The following EIF5B variants were observed in gnomAD, a reference collection of about 807,000 sequenced individuals.
EIF5B encodes eIF-5B.
EIF5B carries 47 observed loss-of-function variants against 147.5 expected under a neutral mutation model. The observed-to-expected ratio is 0.32, with a 90% CI of 0.25 to 0.41. The LOEUF is 0.41. Among genes scored for constraint, EIF5B ranks in the 10% least tolerant of loss-of-function variants. The pLI, the probability that EIF5B is intolerant of heterozygous loss-of-function variation, is 1.00. For synonymous variants in EIF5B, 455 were observed against 456.2 expected, an observed-to-expected ratio of 1.00 and a Z score of 0.03; for missense variants, 1,064 against 1,413.2, an observed-to-expected ratio of 0.75 and a Z score of 3.96.
intron 10 of EIF5B, 121 bp downstream of exon 10, chr2:99,376,757 C>A: frequency 7.2e-7 from 1 of 1,391,548 alleles, no homozygotes; most frequent in East Asian, 2.5e-5. Context: ...GAACACCGTT[C>A]AGTTTTTGTA....
Position 99,337,583 on chromosome 2 carries a change from A to G in EIF5B, c.29A>G (p.Glu10Gly). 6.2e-7 allele frequency: 1 copy of G among 1,612,980 alleles called. No individual in the cohort carries two copies. The highest frequency in any genetic ancestry group is 8.5e-7 in the Non-Finnish European group (1 of 1,179,580). MGKKQKNKS[E>G]DSTKDDIDLD... ...GGGAAGAAACAGAAAAACAAGAGCG[A>G]AGACAGGTAGATAGGGGTTGGGTCC... The change falls in exon 1 of 24, where the codon GAA (glutamate) becomes GGA (glycine). Residue 10 changes from glutamate (E) to glycine (G), a missense_variant. Around this residue, in one of 4 missense-constraint regions of EIF5B, gnomAD observed 458 missense variants for 451.3 expected, o/e 1.01. Transcript: ENST00000289371.
rs1194560486 is a variant in EIF5B at position 99,390,757 on chromosome 2, A to G, written c.2748+52A>G. On this transcript the variant is annotated intron_variant, in intron 17 of 23. Coordinates refer to ENST00000289371, the MANE Select transcript of EIF5B (RefSeq NM_015904.4). ...CGTGGGGACTTGTACAGTGTTTAGA[A>G]GTTCTGCTGAGATGGTTTCCTCACT... is the stretch of plus-strand genomic sequence containing the variant. The G allele has an allele frequency of 3.3e-6, 5 of 1,524,508 alleles. No homozygotes were observed. In the African/African-American group the frequency reaches 4.1e-5, roughly 13 times the overall value. 94.4% of individuals were successfully genotyped at this position (1,524,508 alleles called of 1,614,324 possible).
rs572675317 is a variant in EIF5B, at chr2:99,390,119, A to G, written c.2404-100A>G. 4.6e-4 allele frequency: 636 copies of G among 1,384,788 alleles called. 3 individuals carry two copies. In the African/African-American group the frequency reaches 7.9e-3, roughly 17 times the overall value. 85.8% of individuals were successfully genotyped at this position (1,384,788 alleles called of 1,614,324 possible). A position where few individuals can be genotyped will look rare whatever the true frequency, so the allele number is the denominator to read the frequency against. On this transcript the variant is annotated intron_variant, in intron 15 of 23. Transcript: ENST00000289371. ...ATTTTTAGTGTTTATGAGGAGTTTC[A>G]AAATGATGAGCCATTTGCTCATCCG...
intron 6 of EIF5B, among the ~76,000 whole-genome samples, chr2:99,367,764 C>T (rs1351543881): frequency 6.6e-6 from 1 of 152,132 alleles, no homozygotes; most frequent in East Asian, 1.9e-4. Flanking sequence ...CAAAACTCTT[C>T]TGCATTAGTG....
chr2:99,396,650 G>A (rs1675055136), intron 21 of EIF5B, 110 bp from the exon 22 acceptor site: 9 of 1,380,734 alleles, frequency 6.5e-6, no homozygotes, highest in Non-Finnish European at 7.8e-6. Flanking sequence ...TGTGGCCGCT[G>A]GGGAAAGCTG....
chr2:99,364,526 A>T, intron 6 of EIF5B, 105 bp downstream of exon 6: 1 of 1,136,356 alleles, frequency 8.8e-7, no homozygotes, highest in Non-Finnish European at 1.2e-6. Context: ...GACAGTTCCT[A>T]TGAAAAATCT....
At position 99,401,213 on chromosome 2, in the gene EIF5B, CAG is replaced by C. The variant is rs757176462; in HGVS notation, c.*1804_*1805del. On this transcript the variant is annotated 3_prime_UTR_variant, in exon 24 of 24. Transcript: ENST00000289371. ...TCACAAGCACTTATGGCACAGCTATCAGAGAGCATCAGGCTCTCTGGTAATAT... is the reference window on the plus strand; with the variant it reads ...TCACAAGCACTTATGGCACAGCTATCAGAGCATCAGGCTCTCTGGTAATAT... The C allele has an allele frequency of 2.2e-6, 3 of 1,381,990 alleles. No individual in the cohort carries two copies. Among genetic ancestry groups the C allele is most frequent in the Middle Eastern group, 1.8e-4 (1 of 5,656 alleles). 85.6% of individuals were successfully genotyped at this position (1,381,990 alleles called of 1,614,324 possible).
Position 99,376,338 on chromosome 2 carries a change from C to A in EIF5B, c.1553-9C>A. On this transcript the variant is annotated splice_polypyrimidine_tract_variant and intron_variant, in intron 9 of 23. Transcript: ENST00000289371. ...GTTTATTTATTTAAAAATATATTTGCTTTCGTAGTAGAAGGAAACAAAGTT... is the reference window on the plus strand; with the variant it reads ...GTTTATTTATTTAAAAATATATTTGATTTCGTAGTAGAAGGAAACAAAGTT... The A allele has an allele frequency of 7.4e-7, 1 of 1,356,190 alleles. No individual in the cohort carries two copies. Among genetic ancestry groups the A allele is most frequent in the Non-Finnish European group, 1.0e-6 (1 of 1,001,040 alleles). 84.0% of individuals were successfully genotyped at this position (1,356,190 alleles called of 1,614,324 possible).
intron 1 of EIF5B, among the ~76,000 whole-genome samples, chr2:99,353,221 G>A (rs963155040): frequency 2.0e-5 from 3 of 151,900 alleles, no homozygotes; most frequent in Admixed American, 6.6e-5. Context: ...CACCATATTG[G>A]CCAGGCTGGT....
At chr2:99,370,442 C>T (rs911237132) in intron 8 of EIF5B, among the ~76,000 whole-genome samples, 6 of 152,186 alleles carry the variant, frequency 3.9e-5, no homozygotes, top group Admixed American at 3.3e-4. Flanking sequence ...TTGATAGTTC[C>T]TTTCCTTCTT....
At chr2:99,386,431 C>G (rs987133918) in intron 14 of EIF5B, among the ~76,000 whole-genome samples, 1 of 150,424 alleles carries the variant, frequency 6.6e-6, no homozygotes, top group South Asian at 2.1e-4. Context: ...TTCTTATGGT[C>G]TGGGACTTGG....
intron 21 of EIF5B, 111 bp from the exon 22 acceptor site, chr2:99,396,649 T>G: frequency 7.3e-7 from 1 of 1,368,140 alleles, no homozygotes. Flanking sequence ...CTGTGGCCGC[T>G]GGGGAAAGCT....
chr2:99,361,364 C>A lies in EIF5B; in HGVS notation c.463C>A (p.Gln155Lys), dbSNP rs544893281. Residue 155 changes from glutamine to lysine, a missense_variant, in exon 4 of 24, where the codon CAA becomes AAA. By Grantham distance (53) the Gln-to-Lys change is moderately conservative. Coordinates refer to ENST00000289371, the MANE Select transcript of EIF5B (RefSeq NM_015904.4). ...TCCTAAAAAAGCTAAAGGGAAAGCTCAAAAATCAAATAAGAAGTGGGATGG... is the reference window on the plus strand; with the variant it reads ...TCCTAAAAAAGCTAAAGGGAAAGCTAAAAAATCAAATAAGAAGTGGGATGG... Reference protein sequence around the residue: ...KLPKKAKGKAQKSNKKWDGSE... With the variant: ...KLPKKAKGKAKKSNKKWDGSE... The A allele has an allele frequency of 2.1e-5, 34 of 1,610,744 alleles. No homozygotes were observed. The South Asian group carries it at 3.6e-4, about 17-fold the overall frequency.
At chr2:99,376,677 C>T (rs755390949) in intron 10 of EIF5B, 41 bp downstream of exon 10, 3 of 1,552,882 alleles carry the variant, frequency 1.9e-6, no homozygotes, top group Non-Finnish European at 1.7e-6. Context: ...CTTCCCACTC[C>T]TCTGTGATGA....
intron 12 of EIF5B, 42 bp from the exon 13 acceptor site, chr2:99,382,117 T>G (rs1339172277): frequency 9.7e-6 from 15 of 1,549,536 alleles, no homozygotes; most frequent in Non-Finnish European, 1.3e-5. Flanking sequence ...AGCTTTCATG[T>G]CTGACTTTCT....
intron 12 of EIF5B, among the ~76,000 whole-genome samples, chr2:99,381,195 T>G (rs1379013177): frequency 6.6e-6 from 1 of 152,194 alleles, no homozygotes; most frequent in African/African-American, 2.4e-5. Flanking sequence ...TATGTTTTAG[T>G]CACTAGAGGA....
chr2:99,389,465 T>C (rs536215276), intron 14 of EIF5B: 1 of 255,582 alleles, frequency 3.9e-6, no homozygotes, highest in Non-Finnish European at 7.4e-6. Context: ...GATGTTATCT[T>C]TTGCAAACAA....
chr2:99,361,881 C>T, intron 4 of EIF5B, 61 bp downstream of exon 4: 2 of 1,423,592 alleles, frequency 1.4e-6, no homozygotes, highest in South Asian at 3.4e-5. Context: ...AAGTTGTAAT[C>T]ATTGTGCCCC....
chr2:99,382,875 A>G lies in EIF5B; in HGVS notation c.2225A>G (p.Asn742Ser), dbSNP rs763815189. The G allele has an allele frequency of 6.8e-6, 11 of 1,611,420 alleles. No individual in the cohort carries two copies. The highest frequency in any genetic ancestry group is 4.0e-5 in the African/African-American group (3 of 74,772). Reference protein sequence around the residue: ...GLEPQTIESINLLKSKKCPFI... With the variant: ...GLEPQTIESISLLKSKKCPFI... ...GAGCCCCAGACAATTGAGTCTATCA[A>G]CCTTCTCAAATCTAAAAAATGTCCC... The change falls in exon 14 of 24, where the codon AAC (asparagine) becomes AGC (serine). Residue 742 changes from asparagine to serine, a missense_variant. Asn to Ser is a conservative substitution (Grantham distance 46, BLOSUM62 1). Transcript: ENST00000289371.
Sources: allele counts gnomAD v4.1 joint callset (sites outside exome capture counted in the v4.1 genomes callset), GRCh38; gene constraint gnomAD v4.1.1; regional missense constraint gnomAD v4.1.1; transcripts MANE v1.5; gene names NCBI Gene and HGNC (gene_info 2026-07-23, HGNC 2026-07-21).